The following RFTN1 variants were observed in gnomAD, a reference collection of about 807,000 sequenced individuals.
The protein encoded by RFTN1 is raftlin, lipid raft linker 1.
A neutral mutation model predicts 46.5 loss-of-function variants in RFTN1; 26 were observed. That is an observed-to-expected ratio of 0.56 (90% CI 0.41 to 0.78). RFTN1 has a LOEUF of 0.78. Ranked by LOEUF, RFTN1 falls within the 30% of genes least tolerant of loss-of-function variation. The probability of loss-of-function intolerance (pLI) is 0.00; values close to 1 mark genes in which losing one functional copy is unlikely to be tolerated. For missense variants in RFTN1, 693 were observed against 718.7 expected, an observed-to-expected ratio of 0.96 and a Z score of 0.41; for synonymous variants, 261 against 284.2, an observed-to-expected ratio of 0.92 and a Z score of 0.82.
intron 4 of RFTN1, among the ~76,000 whole-genome samples, chr3:16,403,823 A>AT (rs550761838): frequency 1.5e-4 from 1 of 6,602 alleles, no homozygotes; most frequent in Non-Finnish European, 2.2e-4. Context: ...TTTATATTAT[A>AT]TTTATATATA....
intron 7 of RFTN1, among the ~76,000 whole-genome samples, chr3:16,347,242 C>A (rs919837153): frequency 2.0e-5 from 3 of 152,208 alleles, no homozygotes; most frequent in Non-Finnish European, 4.4e-5. Context: ...AACATACTGT[C>A]AAGGACACCC....
rs1313820539 is a variant in RFTN1 at position 16,383,651 on chromosome 3, T to G, written c.442-5549A>C. ...AATGATAAGTGCGATATATACTCTA[T>G]GTGCATGCGAATATACGTATTTGTG... On this transcript the variant is annotated intron_variant, in intron 4 of 9. Coordinates refer to ENST00000334133, the MANE Select transcript of RFTN1 (RefSeq NM_015150.2). The surrounding 1 kb of genome is among the most constrained non-coding windows in gnomAD (Gnocchi z 4.0). 6.6e-6 allele frequency among the ~76,000 whole-genome samples: 1 copy of G among 152,236 alleles called. No individual in the cohort carries two copies. The highest frequency in any genetic ancestry group is 1.5e-5 in the Non-Finnish European group (1 of 68,048).
At chr3:16,455,064 T>C (rs2075882573) in intron 2 of RFTN1, among the ~76,000 whole-genome samples, 1 of 152,156 alleles carries the variant, frequency 6.6e-6, no homozygotes, top group African/African-American at 2.4e-5. Flanking sequence ...AAATGAGGGC[T>C]GGCGGCCAGC....
intron 2 of RFTN1, among the ~76,000 whole-genome samples, chr3:16,485,991 T>A (rs188843032): frequency 2.6e-5 from 4 of 152,310 alleles, no homozygotes; most frequent in South Asian, 4.1e-4. Context: ...CGGGGCTACT[T>A]GAATCATCAA....
At chr3:16,415,409 G>GTATATA (rs367960866) in intron 3 of RFTN1, among the ~76,000 whole-genome samples, 9,218 of 103,906 alleles carry the variant, frequency 0.089, 759 homozygotes, top group African/African-American at 0.14. Context: ...AGACAGTTGA[G>GTATATA]TATATATATA....
In RFTN1 at chr3:16,404,321, A is replaced by AATATATATT. The variant is rs2074783834; in HGVS notation, c.441+5053_441+5054insAATATATAT. ...ATAATATGTAATATATATTATATAT[A>AATATATATT]ATATATAATATATAATATATATAAT... On this transcript the variant is annotated intron_variant, in intron 4 of 9. Transcript: ENST00000334133. Among the ~76,000 whole-genome samples the AATATATATT allele has an allele frequency of 1.3e-4, 3 of 22,580 alleles. 1 individual carries two copies. The highest frequency in any genetic ancestry group is 2.4e-4 in the Non-Finnish European group (3 of 12,746). The allele number at this position is 22,580 out of a possible 152,430, so 14.8% of individuals were successfully genotyped here. A position where few individuals can be genotyped will look rare whatever the true frequency, so the allele number is the denominator to read the frequency against.
chr3:16,368,868 C>T (rs1425073808), intron 6 of RFTN1, among the ~76,000 whole-genome samples: 2 of 152,324 alleles, frequency 1.3e-5, no homozygotes, highest in South Asian at 2.1e-4. Flanking sequence ...GGCCGCCATA[C>T]TGGACAACCC....
rs1014823182 is a variant in RFTN1, at chr3:16,374,881, G to A, written c.826+2837C>T. Among the ~76,000 whole-genome samples the A allele has an allele frequency of 2.0e-5, 3 of 152,274 alleles. No homozygotes were observed. The highest frequency in any genetic ancestry group is 7.2e-5 in the African/African-American group (3 of 41,566). ...CTCCCCAAGAACCTGCAGGGGCAAG[G>A]AGGCGTGACGGCTGCACCGAGCCCG... On this transcript the variant is annotated intron_variant, in intron 5 of 9. Transcript: ENST00000334133. The surrounding 1 kb of genome is among the most constrained non-coding windows in gnomAD (Gnocchi z 5.4).
rs985884098 is a variant in RFTN1, at chr3:16,381,852, G to A, written c.442-3750C>T. On this transcript the variant is annotated intron_variant, in intron 4 of 9. Coordinates refer to ENST00000334133, the MANE Select transcript of RFTN1 (RefSeq NM_015150.2). The surrounding 1 kb of genome is among the most constrained non-coding windows in gnomAD (Gnocchi z 4.2). ...CACATATGGCCTTGGATCCATGCCC[G>A]CAAAGGCTCTCAGTTCACCCTGCAG... 4.6e-5 allele frequency among the ~76,000 whole-genome samples: 7 copies of A among 152,044 alleles called. No homozygotes were observed. The highest frequency in any genetic ancestry group is 2.6e-4 in the Admixed American group (4 of 15,264).
chr3:16,360,705 T>C (rs571698061), intron 6 of RFTN1, among the ~76,000 whole-genome samples: 1 of 152,326 alleles, frequency 6.6e-6, no homozygotes, highest in African/African-American at 2.4e-5. Context: ...GCATTACTTA[T>C]AAAATTACTT....
chr3:16,388,110 C>A (rs1221025351), intron 4 of RFTN1, among the ~76,000 whole-genome samples: 1 of 152,248 alleles, frequency 6.6e-6, no homozygotes, highest in Non-Finnish European at 1.5e-5. Context: ...ACATCCCAAA[C>A]TCCTGACACC....
At chr3:16,363,194 G>A (rs1037529905) in intron 6 of RFTN1, among the ~76,000 whole-genome samples, 3 of 152,160 alleles carry the variant, frequency 2.0e-5, no homozygotes, top group Non-Finnish European at 4.4e-5. Flanking sequence ...TTAAAGAGTC[G>A]CTTGTTTTGA....
Position 16,352,167 on chromosome 3 carries a change from C to G in RFTN1, c.1146+5765G>C, listed in dbSNP as rs2125321531. Among the ~76,000 whole-genome samples the G allele has an allele frequency of 6.6e-6, 1 of 152,350 alleles. No homozygotes were observed. Among genetic ancestry groups the G allele is most frequent in the Admixed American group, 6.5e-5 (1 of 15,312 alleles). On this transcript the variant is annotated intron_variant, in intron 7 of 9. Transcript: ENST00000334133. The surrounding 1 kb of genome is among the most constrained non-coding windows in gnomAD (Gnocchi z 4.6). Reference sequence around the variant, plus strand: ...CCAGCCACCATACCAATTGCATCAGCTGTAAGTGCTTTTTCTACTCTCTTA... The same window carrying G: ...CCAGCCACCATACCAATTGCATCAGGTGTAAGTGCTTTTTCTACTCTCTTA...
In RFTN1 at chr3:16,506,098, G is replaced by T. The variant is rs140215525; in HGVS notation, c.-9+7344C>A. Among the ~76,000 whole-genome samples the T allele has an allele frequency of 3.5e-4, 54 of 152,294 alleles. No individual in the cohort carries two copies. Among genetic ancestry groups the T allele is most frequent in the African/African-American group, 1.2e-3 (51 of 41,564 alleles). ...TGCCAACTAGAAAACAACAATGCAG[G>T]GGGGAGGGATAGCAATCACAGGAGG... is the stretch of plus-strand genomic sequence containing the variant. On this transcript the variant is annotated intron_variant, in intron 1 of 9. Coordinates refer to ENST00000334133, the MANE Select transcript of RFTN1 (RefSeq NM_015150.2). The surrounding 1 kb of genome is among the most constrained non-coding windows in gnomAD (Gnocchi z 4.8).
chr3:16,426,859 C>G lies in RFTN1; in HGVS notation c.332+6992G>C, dbSNP rs2075299023. Among the ~76,000 whole-genome samples, 1 of 152,122 alleles carries G rather than the reference C, an allele frequency of 6.6e-6. No individual in the cohort carries two copies. Among genetic ancestry groups the G allele is most frequent in the Admixed American group, 6.5e-5 (1 of 15,282 alleles). On this transcript the variant is annotated intron_variant, in intron 3 of 9. Transcript: ENST00000334133. This position sits in a 1 kb window ranked among gnomAD's most constrained non-coding sequence, Gnocchi z 5.9. ...TTCCAGGGCATGGTTTTATCCCACT[C>G]AATTCATGCAAAATCTATTGAGCAA... is the stretch of plus-strand genomic sequence containing the variant.
Position 16,352,275 on chromosome 3 carries a change from C to T in RFTN1, c.1146+5657G>A, listed in dbSNP as rs1378225577. Among the ~76,000 whole-genome samples, 1 of 152,178 alleles carries T rather than the reference C, an allele frequency of 6.6e-6. No individual in the cohort carries two copies. ...GGGAGAGGGATAAACATGGAAAAGGCTCTATGGCTCAGGTAGCACCTGGTG... is the reference window on the plus strand; with the variant it reads ...GGGAGAGGGATAAACATGGAAAAGGTTCTATGGCTCAGGTAGCACCTGGTG... On this transcript the variant is annotated intron_variant, in intron 7 of 9. Transcript: ENST00000334133. The surrounding 1 kb of genome is among the most constrained non-coding windows in gnomAD (Gnocchi z 4.6).
At chr3:16,420,489 G>A (rs1228168626) in intron 3 of RFTN1, among the ~76,000 whole-genome samples, 1 of 152,194 alleles carries the variant, frequency 6.6e-6, no homozygotes, top group African/African-American at 2.4e-5. Context: ...TCTCTCATGG[G>A]ACCTGTCCAG....
In RFTN1 at chr3:16,334,178, A is replaced by C. The variant is rs1380361952; in HGVS notation, c.1147-7302T>G. ...AGACTCTGTCTCAAAACAAAAACAA[A>C]AACAAAAAACAACAACAAAAAATAC... On this transcript the variant is annotated intron_variant, in intron 7 of 9. Coordinates refer to ENST00000334133, the MANE Select transcript of RFTN1 (RefSeq NM_015150.2). This position sits in a 1 kb window ranked among gnomAD's most constrained non-coding sequence, Gnocchi z 4.3. Among the ~76,000 whole-genome samples, 1 of 152,158 alleles carries C rather than the reference A, an allele frequency of 6.6e-6. No homozygotes were observed. The highest frequency in any genetic ancestry group is 1.5e-5 in the Non-Finnish European group (1 of 68,030).
chr3:16,476,601 G>A (rs746743125), intron 2 of RFTN1, among the ~76,000 whole-genome samples: 7 of 152,102 alleles, frequency 4.6e-5, no homozygotes, highest in Admixed American at 6.5e-5. Context: ...AGGATGGGAG[G>A]GAAGAGTGAA....
Sources: allele counts gnomAD v4.1 joint callset (sites outside exome capture counted in the v4.1 genomes callset), GRCh38; gene constraint gnomAD v4.1.1; non-coding constraint Gnocchi (gnomAD v3.1); transcripts MANE v1.5; gene names NCBI Gene and HGNC (gene_info 2026-07-23, HGNC 2026-07-21).